Variants in UGT1A8 observed in about 807,000 individuals in gnomAD.
The protein encoded by UGT1A8 is UDP glucuronosyltransferase family 1 member A8, also known as UDP-glucuronosyltransferase 1A8.
UGT1A8 carries 39 observed loss-of-function variants against 45.3 expected under a neutral mutation model. That is an observed-to-expected ratio of 0.86 (90% CI 0.67 to 1.12). The LOEUF is 1.12. Among genes scored for constraint, UGT1A8 ranks in the 50% most tolerant of loss-of-function variants. The probability of loss-of-function intolerance (pLI) is 0.00; values close to 1 mark genes in which losing one functional copy is unlikely to be tolerated. For missense variants in UGT1A8, 719 were observed against 664.9 expected (o/e 1.08, Z -0.90); for synonymous variants, 275 against 249.2 (o/e 1.10, Z -0.97).
chr2:233,724,270 G>A (rs1404305230), intron 1 of UGT1A8, among the ~76,000 whole-genome samples: 18 of 134,540 alleles, frequency 1.3e-4, no homozygotes, highest in African/African-American at 3.1e-4. Flanking sequence ...CGGACGGGGC[G>A]GCTGGCCGGG....
chr2:233,667,280 G>A (rs1196070660), intron 1 of UGT1A8, among the ~76,000 whole-genome samples: 4 of 152,190 alleles, frequency 2.6e-5, no homozygotes, highest in Admixed American at 6.5e-5. Context: ...AAGAAATGGG[G>A]AAAGGATTCC....
chr2:233,743,212 C>A, intron 1 of UGT1A8: 1 of 401,146 alleles, frequency 2.5e-6, no homozygotes, highest in Admixed American at 3.1e-5. Context: ...TGCGGAGTAA[C>A]TGCTCTTTGC....
At chr2:233,706,646 C>T (rs1489245127) in intron 1 of UGT1A8, among the ~76,000 whole-genome samples, 1 of 152,072 alleles carries the variant, frequency 6.6e-6, no homozygotes, top group Non-Finnish European at 1.5e-5. Flanking sequence ...GTGTCTGTGC[C>T]CCATCACTGT....
intron 1 of UGT1A8, among the ~76,000 whole-genome samples, chr2:233,726,709 G>T (rs2077553712): frequency 6.6e-6 from 1 of 152,172 alleles, no homozygotes; most frequent in African/African-American, 2.4e-5. Context: ...TCCCAGGTTT[G>T]AGGAAGTACA....
At chr2:233,657,527 T>C (rs1245299080) in intron 1 of UGT1A8, among the ~76,000 whole-genome samples, 1 of 152,110 alleles carries the variant, frequency 6.6e-6, no homozygotes, top group East Asian at 1.9e-4. Context: ...AACTCACCCA[T>C]TATCGGGAAA....
intron 1 of UGT1A8, among the ~76,000 whole-genome samples, chr2:233,736,821 G>A (rs1368702103): frequency 6.6e-6 from 1 of 152,198 alleles, no homozygotes; most frequent in Non-Finnish European, 1.5e-5. Flanking sequence ...CACTCCAGAT[G>A]CTCTTTGCTT....
At chr2:233,695,200 A>G (rs2075272286) in intron 1 of UGT1A8, among the ~76,000 whole-genome samples, 1 of 145,726 alleles carries the variant, frequency 6.9e-6, no homozygotes, top group South Asian at 2.2e-4. Flanking sequence ...ATCTCAGCCC[A>G]CTGCAACCTC....
At chr2:233,712,103 C>G (rs1277472248) in intron 1 of UGT1A8, among the ~76,000 whole-genome samples, 2 of 152,212 alleles carry the variant, frequency 1.3e-5, no homozygotes, top group Admixed American at 1.3e-4. Flanking sequence ...ACACTTCAGT[C>G]TCTAAGCAGA....
intron 1 of UGT1A8, among the ~76,000 whole-genome samples, chr2:233,677,078 C>G (rs192568371): frequency 2.3e-4 from 35 of 151,888 alleles, no homozygotes; most frequent in African/African-American, 8.0e-4. Context: ...TTAATGTGTG[C>G]AAAAATCCTG....
rs557222655 is a variant in UGT1A8 at position 233,742,227 on chromosome 2, CCAAA to C, written c.856-24804_856-24801del. 1.9e-3 allele frequency among the ~76,000 whole-genome samples: 286 copies of C among 151,916 alleles called. 2 individuals carry two copies. The highest frequency in any genetic ancestry group is 3.7e-3 in the Admixed American group (56 of 15,294). ...CTCACAGCCTTCAGGGCTGAGAGCCCCAAACAGAGATTTACCCACATATTTATTG... is the reference window on the plus strand; with the variant it reads ...CTCACAGCCTTCAGGGCTGAGAGCCCCAGAGATTTACCCACATATTTATTG... On this transcript the variant is annotated intron_variant, in intron 1 of 4. Coordinates refer to ENST00000373450, the MANE Select transcript of UGT1A8 (RefSeq NM_019076.5).
intron 1 of UGT1A8, among the ~76,000 whole-genome samples, chr2:233,635,489 C>T (rs1354834609): frequency 6.6e-6 from 1 of 150,838 alleles, no homozygotes; most frequent in Non-Finnish European, 1.5e-5. Flanking sequence ...AGAAATCACT[C>T]ACAATTGGGA....
intron 1 of UGT1A8, chr2:233,754,615 C>T (rs1360410521): frequency 2.3e-6 from 1 of 438,040 alleles, no homozygotes; most frequent in Non-Finnish European, 4.6e-6. Context: ...TCTCCATCTT[C>T]CTCCACTTCC....
In UGT1A8 at chr2:233,744,010, C is replaced by A; in HGVS notation, c.856-23024C>A. 3.5e-6 allele frequency: 4 copies of A among 1,130,890 alleles called. No individual in the cohort carries two copies. In the South Asian group the frequency reaches 4.3e-5, roughly 12 times the overall value. 70.1% of individuals were successfully genotyped at this position (1,130,890 alleles called of 1,614,324 possible). On this transcript the variant is annotated intron_variant, in intron 1 of 4. Transcript: ENST00000373450. ...AGGCCCGAGTGCTCGGAGACCTGGG[C>A]CGCCTGGAGAGACGCCCCTTATGAC...
chr2:233,636,464 C>T lies in UGT1A8; in HGVS notation c.855+17902C>T, dbSNP rs1057189408. ...TCAGGTTTTGTGCCTGTACTTCTTC[C>T]GCCTACTGTATCATAGCAGCTTAGA... On this transcript the variant is annotated intron_variant, in intron 1 of 4. Transcript: ENST00000373450. The T allele has an allele frequency of 1.2e-4, 194 of 1,553,926 alleles. 1 individual carries two copies. The highest frequency in any genetic ancestry group is 3.5e-4 in the Middle Eastern group (2 of 5,736).
chr2:233,772,618 A>C lies in UGT1A8; in HGVS notation c.*59A>C. 6.4e-7 allele frequency: 1 copy of C among 1,572,114 alleles called. No homozygotes were observed. The highest frequency in any genetic ancestry group is 2.4e-5 in the East Asian group (1 of 42,372). ...CATTCCCTAGTCATTTCCAAACTTG[A>C]AAACAGAATCAGTGTTAAATTCATT... On this transcript the variant is annotated 3_prime_UTR_variant, in exon 5 of 5. Coordinates refer to ENST00000373450, the MANE Select transcript of UGT1A8 (RefSeq NM_019076.5).
intron 1 of UGT1A8, among the ~76,000 whole-genome samples, chr2:233,680,805 C>G (rs1299963858): frequency 6.6e-6 from 1 of 152,096 alleles, no homozygotes; most frequent in Non-Finnish European, 1.5e-5. Flanking sequence ...TAGCAAAGGC[C>G]TGCAGCTCTG....
intron 1 of UGT1A8, among the ~76,000 whole-genome samples, chr2:233,673,154 A>T (rs1199864459): frequency 2.0e-5 from 3 of 152,190 alleles, no homozygotes; most frequent in Non-Finnish European, 2.9e-5. Flanking sequence ...TAATGTTTTT[A>T]AAAAAGTACT....
At chr2:233,657,683 T>G (rs2073885304) in intron 1 of UGT1A8, among the ~76,000 whole-genome samples, 1 of 152,194 alleles carries the variant, frequency 6.6e-6, no homozygotes. Context: ...TGGTCAGTCT[T>G]TTTGATTGCA....
intron 1 of UGT1A8, among the ~76,000 whole-genome samples, chr2:233,684,011 T>C (rs2074659673): frequency 6.6e-6 from 1 of 152,182 alleles, no homozygotes; most frequent in East Asian, 1.9e-4. Context: ...AGAGTAAGAT[T>C]CTTGGCAAAT....
Sources: gnomAD v4.1 joint callset for allele counts (sites outside exome capture counted in the v4.1 genomes callset) on GRCh38, gnomAD v4.1.1 for gene constraint, MANE v1.5 for transcripts, NCBI Gene and HGNC (gene_info 2026-07-23, HGNC 2026-07-21) for gene names.